GNG2: variants seen among roughly 807,000 people sequenced by gnomAD.
The protein encoded by GNG2 is G protein subunit gamma 2, also known as guanine nucleotide-binding protein G(I)/G(S)/G(O) subunit gamma-2.
A neutral mutation model predicts 5.5 loss-of-function variants in GNG2; 5 were observed. The ratio of observed to expected loss-of-function variants is 0.91; its 90% confidence interval spans 0.48 to 1.92. The LOEUF is 1.92. Among genes scored for constraint, GNG2 ranks in the 30% most tolerant of loss-of-function variants. GNG2 has a pLI of 0.01. For synonymous variants in GNG2, 28 were observed against 32.0 expected (o/e 0.88, Z 0.42); for missense variants, 55 against 88.4 (o/e 0.62, Z 1.52).
intron 2 of GNG2, among the ~76,000 whole-genome samples, chr14:51,932,246 CAAAAA>C (rs781725794): frequency 0.012 from 267 of 23,186 alleles, 4 homozygotes; most frequent in Non-Finnish European, 0.016. Context: ...GACTCTGTCT[CAAAAA>C]AAAAAAAAAA....
At chr14:51,916,845 C>G (rs1886675579) in intron 2 of GNG2, among the ~76,000 whole-genome samples, 1 of 152,166 alleles carries the variant, frequency 6.6e-6, no homozygotes, top group Admixed American at 6.5e-5. Context: ...AAGGTCTGGC[C>G]ACTGGAGATT....
chr14:51,938,009 A>C (rs1464394946), intron 2 of GNG2, among the ~76,000 whole-genome samples: 5 of 152,274 alleles, frequency 3.3e-5, no homozygotes. Flanking sequence ...GGTAACGCAC[A>C]GGCTCTCACA....
chr14:51,847,478 G>T (rs1414391807), intron 2 of GNG2: 2 of 152,172 alleles, frequency 1.3e-5, no homozygotes, highest in African/African-American at 4.8e-5. Flanking sequence ...TGGGCTGAAG[G>T]GTGCTGTCCC....
intron 2 of GNG2, among the ~76,000 whole-genome samples, chr14:51,943,911 T>C (rs947449367): frequency 2.0e-5 from 3 of 152,188 alleles, no homozygotes; most frequent in Non-Finnish European, 2.9e-5. Context: ...AAAATCCCAA[T>C]AATATTTTTG....
intron 2 of GNG2, among the ~76,000 whole-genome samples, chr14:51,831,200 A>G (rs1184142947): frequency 1.3e-5 from 2 of 152,224 alleles, no homozygotes; most frequent in Non-Finnish European, 2.9e-5. Context: ...TAATATTACT[A>G]TAAACCTCCT....
At chr14:51,858,452 G>A (rs1882263580), upstream of GNG2, among the ~76,000 whole-genome samples, 1 of 152,158 alleles carries the variant, frequency 6.6e-6, no homozygotes. Context: ...AGATTTTATT[G>A]TTTGAAAGAG....
At chr14:51,900,125 C>G (rs1018417997) in intron 2 of GNG2, among the ~76,000 whole-genome samples, 5 of 152,118 alleles carry the variant, frequency 3.3e-5, no homozygotes, top group Non-Finnish European at 5.9e-5. Context: ...TACATTCCCC[C>G]CAACAGTACC....
rs1394266415 is a variant in GNG2, at chr14:51,969,112, A to G, written c.*2425A>G. The G allele has an allele frequency of 1.3e-5, 2 of 152,200 alleles. No individual in the cohort carries two copies. The allele number at this position is 152,200 out of a possible 1,614,324, so 9.4% of individuals were successfully genotyped here. ...AGCTTAATTTCTTGAGAAATTCAAC[A>G]GTCATTTTCACCAGCATAATTTTAT... On this transcript the variant is annotated 3_prime_UTR_variant, in exon 4 of 4. Coordinates refer to ENST00000556766, the MANE Select transcript of GNG2 (RefSeq NM_053064.5).
chr14:51,896,101 G>T (rs1885175908), intron 2 of GNG2, among the ~76,000 whole-genome samples: 1 of 152,152 alleles, frequency 6.6e-6, no homozygotes. Context: ...TTACACTTTG[G>T]ATTCAGAACA....
chr14:51,932,755 A>G (rs1887741539), intron 2 of GNG2, among the ~76,000 whole-genome samples: 1 of 152,226 alleles, frequency 6.6e-6, no homozygotes, highest in Non-Finnish European at 1.5e-5. Flanking sequence ...GGGAGGTTGT[A>G]GTGGCCTGAA....
rs1000314806 is a variant in GNG2, at chr14:51,877,597, T to C, written c.-70-20T>C. ...TTTTTCCTTTTAAAAAATTCGTTTT[T>C]CTCTCTGCTTTCTCAACAGCCAGAT... On this transcript the variant is annotated intron_variant, in intron 1 of 3. Coordinates refer to ENST00000556766, the MANE Select transcript of GNG2 (RefSeq NM_053064.5). 1 of 455,780 alleles carries C rather than the reference T, an allele frequency of 2.2e-6. No individual in the cohort carries two copies. The highest frequency in any genetic ancestry group is 4.4e-6 in the Non-Finnish European group (1 of 226,614). 28.2% of individuals were successfully genotyped at this position (455,780 alleles called of 1,614,324 possible). A position where few individuals can be genotyped will look rare whatever the true frequency, so the allele number is the denominator to read the frequency against.
At chr14:51,841,940 C>G (rs1881495875) in intron 2 of GNG2, among the ~76,000 whole-genome samples, 1 of 152,184 alleles carries the variant, frequency 6.6e-6, no homozygotes, top group African/African-American at 2.4e-5. Flanking sequence ...TGTTTACACA[C>G]AGCTACCCAG....
At chr14:51,962,205 ATAT>A (rs917590316) in intron 3 of GNG2, among the ~76,000 whole-genome samples, 4 of 59,260 alleles carry the variant, frequency 6.7e-5, no homozygotes, top group African/African-American at 1.9e-4. Context: ...ATTTTAAATA[ATAT>A]TATTTAAAAT....
intron 2 of GNG2, among the ~76,000 whole-genome samples, chr14:51,882,339 C>A (rs1219883341): frequency 6.6e-6 from 1 of 152,184 alleles, no homozygotes; most frequent in African/African-American, 2.4e-5. Flanking sequence ...AGGACTGTTT[C>A]CTCCTACCTT....
intron 2 of GNG2, among the ~76,000 whole-genome samples, chr14:51,929,268 T>C (rs1311293190): frequency 6.6e-6 from 1 of 152,220 alleles, no homozygotes; most frequent in Non-Finnish European, 1.5e-5. Flanking sequence ...CCAGCTATTT[T>C]AAATAGCTGC....
At position 51,871,526 on chromosome 14, in the gene GNG2, A is replaced by G. The variant is rs142164136; in HGVS notation, c.-70-6091A>G. Among the ~76,000 whole-genome samples, 1,285 of 152,306 alleles carry G rather than the reference A, an allele frequency of 8.4e-3. 12 individuals carry two copies. The highest frequency in any genetic ancestry group is 0.029 in the African/African-American group (1,213 of 41,554). On this transcript the variant is annotated intron_variant, in intron 1 of 3. Transcript: ENST00000556766. ...TCAGTTTCTTCATCTATAATGGGAA[A>G]TAAGATAATATCTACTTCACAAAAC...
At chr14:51,966,514 A>G in intron 3 of GNG2, 45 bp from the exon 4 acceptor site, 1 of 1,592,694 alleles carries the variant, frequency 6.3e-7, no homozygotes. Flanking sequence ...GCCTTGACTG[A>G]CTGTACCAGA....
intron 2 of GNG2, among the ~76,000 whole-genome samples, chr14:51,892,314 A>T (rs918626410): frequency 1.3e-5 from 2 of 150,284 alleles, no homozygotes; most frequent in East Asian, 3.9e-4. Context: ...TATTTATTTT[A>T]TTTTATTTTT....
upstream of GNG2, among the ~76,000 whole-genome samples, chr14:51,856,468 C>T (rs1230640828): frequency 1.3e-5 from 2 of 152,176 alleles, no homozygotes; most frequent in African/African-American, 4.8e-5. Flanking sequence ...GAGTCTTGCT[C>T]TGTTGCCCAG....
Sources: gnomAD v4.1 joint callset for allele counts (sites outside exome capture counted in the v4.1 genomes callset) on GRCh38, gnomAD v4.1.1 for gene constraint, MANE v1.5 for transcripts, NCBI Gene and HGNC (gene_info 2026-07-23, HGNC 2026-07-21) for gene names.